The following SESN3 variants were observed in gnomAD, a reference collection of about 807,000 sequenced individuals.
SESN3 encodes sestrin-3.
SESN3 carries 21 observed loss-of-function variants against 55.3 expected under a neutral mutation model. That is an observed-to-expected ratio of 0.38 (90% confidence interval 0.27 to 0.55). The LOEUF is 0.55. Among genes scored for constraint, SESN3 ranks in the 20% least tolerant of loss-of-function variants. SESN3 has a pLI of 0.76. For missense variants in SESN3, 408 were observed against 604.3 expected (o/e 0.68, Z 3.41); for synonymous variants, 181 against 203.1 (o/e 0.89, Z 0.93).
chr11:95,231,663 G>C (rs1173171473), upstream of SESN3: 1 of 152,398 alleles, frequency 6.6e-6, no homozygotes, highest in Admixed American at 6.5e-5. Flanking sequence ...CGAGAAAGGG[G>C]GAGGGGAGTG....
intron 1 of SESN3, among the ~76,000 whole-genome samples, chr11:95,216,520 A>G (rs913795420): frequency 6.6e-6 from 1 of 152,230 alleles, no homozygotes; most frequent in Non-Finnish European, 1.5e-5. Context: ...CAGCACATTG[A>G]TGGCAACATT....
chr11:95,207,025 C>T (rs1422645345), intron 1 of SESN3, among the ~76,000 whole-genome samples: 1 of 152,032 alleles, frequency 6.6e-6, no homozygotes, highest in African/African-American at 2.4e-5. Flanking sequence ...GTGATCCACC[C>T]GCCTCAGCCT....
At chr11:95,176,763 G>A (rs1591045356) in intron 8 of SESN3, among the ~76,000 whole-genome samples, 1 of 151,976 alleles carries the variant, frequency 6.6e-6, no homozygotes. Context: ...CATATTTATT[G>A]CATTTAAATT....
At chr11:95,224,593 T>C (rs1860915908) in intron 1 of SESN3, 1 of 294,072 alleles carries the variant, frequency 3.4e-6, no homozygotes, top group African/African-American at 2.2e-5. Flanking sequence ...CAAATTTTAT[T>C]GCAGATTATC....
At chr11:95,192,175 GA>G (rs1287710004) in intron 2 of SESN3, among the ~76,000 whole-genome samples, 9 of 151,970 alleles carry the variant, frequency 5.9e-5, no homozygotes, top group African/African-American at 9.7e-5. Flanking sequence ...TTCCTATTTT[GA>G]GCCTAACAAT....
In SESN3 at chr11:95,170,642, T is replaced by C. The variant is rs1859831754; in HGVS notation, c.*2613A>G. 6.6e-6 allele frequency: 1 copy of C among 152,200 alleles called. No homozygotes were observed. The highest frequency in any genetic ancestry group is 2.4e-5 in the African/African-American group (1 of 41,470). The allele number at this position is 152,200 out of a possible 1,614,324, so 9.4% of individuals were successfully genotyped here. A position where few individuals can be genotyped will look rare whatever the true frequency, so the allele number is the denominator to read the frequency against. ...GGAAAACCGCATCAGAATTTCAAGT[T>C]TGCATTGGATAAAGAGAGTTAACAG... On this transcript the variant is annotated 3_prime_UTR_variant, in exon 10 of 10. Transcript: ENST00000536441.
At position 95,188,478 on chromosome 11, in the gene SESN3, T is replaced by C. The variant is rs1209451092; in HGVS notation, c.525+1301A>G. Among the ~76,000 whole-genome samples, 3 of 151,840 alleles carry C rather than the reference T, an allele frequency of 2.0e-5. No homozygotes were observed. The Admixed American group carries it at 2.0e-4, about 10-fold the overall frequency. On this transcript the variant is annotated intron_variant, in intron 4 of 9. Coordinates refer to ENST00000536441, the MANE Select transcript of SESN3 (RefSeq NM_144665.4). ...AACTTTCTGAGAATAAAATACAAAT[T>C]ATTTAATACAGTATTCACTGGGTCA...
chr11:95,179,126 A>C (rs1860013651), intron 6 of SESN3, among the ~76,000 whole-genome samples: 1 of 151,980 alleles, frequency 6.6e-6, no homozygotes, highest in Non-Finnish European at 1.5e-5. Flanking sequence ...GGAATGGAAG[A>C]TAGCATAGGC....
At chr11:95,222,531 T>G (rs1860876246) in intron 1 of SESN3, among the ~76,000 whole-genome samples, 1 of 152,204 alleles carries the variant, frequency 6.6e-6, no homozygotes, top group Non-Finnish European at 1.5e-5. Context: ...AATATACTAC[T>G]GATATTTTTA....
chr11:95,205,328 T>G (rs915384150), intron 1 of SESN3, among the ~76,000 whole-genome samples: 1 of 151,908 alleles, frequency 6.6e-6, no homozygotes, highest in African/African-American at 2.4e-5. Context: ...CATTAGAAAG[T>G]AGAGTGGGGT....
intron 1 of SESN3, among the ~76,000 whole-genome samples, chr11:95,216,097 CA>C (rs1216457587): frequency 1.8e-3 from 91 of 51,416 alleles, no homozygotes; most frequent in Non-Finnish European, 3.2e-3. Flanking sequence ...GACTCCATCT[CA>C]AAAAAAAAAA....
In SESN3 at chr11:95,175,390, T is replaced by G. The variant is rs966704187; in HGVS notation, c.1392+108A>C. Reference sequence around the variant, plus strand: ...AGATAGCTAGATGATGCCACTTCCATGTCAATGGCTATAATTTATTAATAC... The same window carrying G: ...AGATAGCTAGATGATGCCACTTCCAGGTCAATGGCTATAATTTATTAATAC... On this transcript the variant is annotated intron_variant, in intron 9 of 9. Coordinates refer to ENST00000536441, the MANE Select transcript of SESN3 (RefSeq NM_144665.4). 2.8e-5 allele frequency: 28 copies of G among 1,005,346 alleles called. No homozygotes were observed. In the African/African-American group the frequency reaches 3.1e-4, roughly 11 times the overall value. 62.3% of individuals were successfully genotyped at this position (1,005,346 alleles called of 1,614,324 possible).
intron 6 of SESN3, among the ~76,000 whole-genome samples, chr11:95,181,318 A>C (rs1384579423): frequency 6.6e-6 from 1 of 152,090 alleles, no homozygotes; most frequent in East Asian, 1.9e-4. Context: ...CTATGCATTA[A>C]TTTTTAACTT....
chr11:95,182,792 C>T (rs959854581), intron 6 of SESN3, among the ~76,000 whole-genome samples: 19 of 152,152 alleles, frequency 1.2e-4, no homozygotes, highest in Non-Finnish European at 2.2e-4. Flanking sequence ...TCATGATGTA[C>T]GTCCTAACAA....
chr11:95,218,472 A>G (rs1052913935), intron 1 of SESN3, among the ~76,000 whole-genome samples: 1 of 152,230 alleles, frequency 6.6e-6, no homozygotes, highest in African/African-American at 2.4e-5. Flanking sequence ...TTCATATAGT[A>G]TTCAGTGATT....
chr11:95,208,665 AACTATACT>A (rs1279378477), intron 1 of SESN3, among the ~76,000 whole-genome samples: 5 of 151,650 alleles, frequency 3.3e-5, no homozygotes, highest in African/African-American at 1.2e-4. Flanking sequence ...CCTGGCTTCA[AACTATACT>A]ACAAGGCTAC....
intron 1 of SESN3, among the ~76,000 whole-genome samples, chr11:95,225,275 T>C (rs544138896): frequency 6.6e-6 from 1 of 152,332 alleles, no homozygotes; most frequent in Non-Finnish European, 1.5e-5. Context: ...TGAAAGGGTT[T>C]TGGACCCACA....
In SESN3 at chr11:95,185,266, C is replaced by T. The variant is rs758607294; in HGVS notation, c.752G>A (p.Ser251Asn). Reference protein sequence around the residue: ...NNIENASLSGSNFGIVDSLSE... With the variant: ...NNIENASLSGNNFGIVDSLSE... The stretch of plus-strand genomic sequence containing the variant: ...GCTAAGAAAACTAACCCCAAAGTTG[C>T]TGCCTGAAAGAGATGCATTCTCTAT... The change falls in exon 5 of 10, where the codon AGC (serine) becomes AAC (asparagine). Residue 251 changes from serine (S) to asparagine (N), a missense_variant. Coordinates refer to ENST00000536441, the MANE Select transcript of SESN3 (RefSeq NM_144665.4). 2 of 1,598,878 alleles carry T rather than the reference C, an allele frequency of 1.3e-6. No individual in the cohort carries two copies. The highest frequency in any genetic ancestry group is 8.6e-7 in the Non-Finnish European group (1 of 1,168,234).
At chr11:95,186,623 A>G (rs1860172417) in intron 4 of SESN3, among the ~76,000 whole-genome samples, 1 of 151,944 alleles carries the variant, frequency 6.6e-6, no homozygotes, top group South Asian at 2.1e-4. Context: ...CATTCCCAAC[A>G]CAAAGAAATA....
Sources: allele counts gnomAD v4.1 joint callset (sites outside exome capture counted in the v4.1 genomes callset), GRCh38; gene constraint gnomAD v4.1.1; transcripts MANE v1.5; gene names NCBI Gene and HGNC (gene_info 2026-07-23, HGNC 2026-07-21).